Variants in NPSR1 observed in about 807,000 individuals in gnomAD.
NPSR1 encodes the protein neuropeptide S receptor.
NPSR1 carries 48 observed loss-of-function variants against 46.9 expected under a neutral mutation model. The observed-to-expected ratio is 1.02, with a 90% CI of 0.81 to 1.30. The LOEUF (loss-of-function observed/expected upper bound fraction) is 1.30, where lower values mean the gene tolerates loss of function less well. Among genes scored for constraint, NPSR1 ranks in the 50% most tolerant of loss-of-function variants. The probability of loss-of-function intolerance (pLI) is 0.00; values close to 1 mark genes in which losing one functional copy is unlikely to be tolerated. For synonymous variants in NPSR1, 176 were observed against 168.1 expected, an observed-to-expected ratio of 1.05 and a Z score of -0.36; for missense variants, 450 against 449.5, an observed-to-expected ratio of 1.00 and a Z score of -0.01.
At chr7:34,811,989 C>A in intron 4 of NPSR1, 126 bp downstream of exon 4, 2 of 642,040 alleles carry the variant, frequency 3.1e-6, no homozygotes, top group South Asian at 3.8e-5. Context: ...TTTCTTCTCT[C>A]TTCATTCTCC....
chr7:34,660,515 C>T, intron 1 of NPSR1, among the ~76,000 whole-genome samples: 1 of 148,810 alleles, frequency 6.7e-6, no homozygotes, highest in African/African-American at 2.6e-5. Context: ...ACCATGCTCC[C>T]TTTACTGTCT....
chr7:34,806,438 C>T (rs1202755131), intron 3 of NPSR1, among the ~76,000 whole-genome samples: 1 of 152,040 alleles, frequency 6.6e-6, no homozygotes, highest in Non-Finnish European at 1.5e-5. Context: ...CTAAATGATT[C>T]AACTATATTA....
At chr7:34,776,348 T>A (rs544216546) in intron 2 of NPSR1, among the ~76,000 whole-genome samples, 2 of 152,306 alleles carry the variant, frequency 1.3e-5, no homozygotes, top group South Asian at 4.1e-4. Flanking sequence ...TCTTTAGCTC[T>A]AACAATATTT....
chr7:34,876,240 A>G (rs188691284), intron 8 of NPSR1, among the ~76,000 whole-genome samples: 242 of 152,304 alleles, frequency 1.6e-3, no homozygotes, highest in East Asian at 7.9e-3. Context: ...CACATCATGG[A>G]GCAAGATGTC....
At chr7:34,844,123 T>C (rs1339668156) in intron 6 of NPSR1, among the ~76,000 whole-genome samples, 1 of 152,266 alleles carries the variant, frequency 6.6e-6, no homozygotes, top group East Asian at 1.9e-4. Flanking sequence ...CCCAAATTTA[T>C]AGGTAATCAC....
intron 2 of NPSR1, among the ~76,000 whole-genome samples, chr7:34,777,176 G>A (rs1397922336): frequency 6.6e-6 from 1 of 152,132 alleles, no homozygotes; most frequent in Non-Finnish European, 1.5e-5. Context: ...TTGTGGCCTA[G>A]ACTGACTTTC....
At chr7:34,738,642 T>G (rs925478055) in intron 2 of NPSR1, among the ~76,000 whole-genome samples, 2 of 152,198 alleles carry the variant, frequency 1.3e-5, no homozygotes, top group Non-Finnish European at 2.9e-5. Context: ...TATTTGGGGT[T>G]TTTATTTGTT....
intron 2 of NPSR1, among the ~76,000 whole-genome samples, chr7:34,714,974 A>G (rs1328317449): frequency 6.6e-6 from 1 of 152,234 alleles, no homozygotes; most frequent in Non-Finnish European, 1.5e-5. Context: ...CCAGGCTGGT[A>G]TACTTCACAG....
chr7:34,674,381 C>T (rs781364630), intron 1 of NPSR1, among the ~76,000 whole-genome samples: 15 of 152,158 alleles, frequency 9.9e-5, no homozygotes, highest in Non-Finnish European at 1.9e-4. Flanking sequence ...CTGTGTTACA[C>T]TGTGACTGAT....
chr7:34,675,952 G>A (rs889535748), intron 1 of NPSR1, among the ~76,000 whole-genome samples: 4 of 152,070 alleles, frequency 2.6e-5, no homozygotes, highest in Non-Finnish European at 4.4e-5. Context: ...CACCACTAGG[G>A]GGCATTTTAT....
intron 2 of NPSR1, among the ~76,000 whole-genome samples, chr7:34,714,993 T>C (rs1783491611): frequency 6.6e-6 from 1 of 152,224 alleles, no homozygotes; most frequent in Non-Finnish European, 1.5e-5. Flanking sequence ...AGTAATGATG[T>C]GTGCCCAGAT....
intron 6 of NPSR1, among the ~76,000 whole-genome samples, chr7:34,838,400 C>T (rs972736520): frequency 8.5e-5 from 13 of 152,256 alleles, no homozygotes; most frequent in East Asian, 1.9e-4. Context: ...GACCTCATCC[C>T]GAAATGAGGG....
intron 6 of NPSR1, among the ~76,000 whole-genome samples, chr7:34,843,671 G>A (rs545447811): frequency 1.1e-4 from 16 of 152,210 alleles, no homozygotes; most frequent in Non-Finnish European, 2.1e-4. Context: ...ATACTTGTGG[G>A]GTTGGACTAG....
rs1482618843 is a variant in NPSR1, at chr7:34,876,745, T to G, written c.1026-1331T>G. ...CGAGAAGGACCTAGGCTGATATCTC[T>G]TGAGTCATGACCTCTATGGGACCAC... On this transcript the variant is annotated intron_variant, in intron 8 of 8. Coordinates refer to the NPSR1 transcript ENST00000359791. Among the ~76,000 whole-genome samples the G allele has an allele frequency of 2.0e-5, 3 of 152,262 alleles. No individual in the cohort carries two copies. In the East Asian group the frequency reaches 5.8e-4, roughly 29 times the overall value.
At chr7:34,864,461 A>G (rs1012162063) in intron 8 of NPSR1, among the ~76,000 whole-genome samples, 11 of 151,768 alleles carry the variant, frequency 7.2e-5, no homozygotes, top group African/African-American at 2.7e-4. Flanking sequence ...CCTTCTCATC[A>G]TGAATTTTCT....
At chr7:34,688,321 G>T (rs1793043730) in intron 2 of NPSR1, among the ~76,000 whole-genome samples, 1 of 152,136 alleles carries the variant, frequency 6.6e-6, no homozygotes, top group Non-Finnish European at 1.5e-5. Context: ...TACAATAATT[G>T]ATGAAAAACG....
chr7:34,857,893 A>C (rs1216074728), intron 8 of NPSR1, among the ~76,000 whole-genome samples: 1 of 151,830 alleles, frequency 6.6e-6, no homozygotes, highest in Non-Finnish European at 1.5e-5. Flanking sequence ...AAAATGGGCA[A>C]GAATTAACTT....
At chr7:34,678,112 T>C (rs1333919655) in intron 1 of NPSR1, among the ~76,000 whole-genome samples, 3 of 150,850 alleles carry the variant, frequency 2.0e-5, no homozygotes, top group Non-Finnish European at 4.4e-5. Context: ...AGAATGAAAG[T>C]TCAACAGAGA....
chr7:34,667,323 G>A (rs2125403), intron 1 of NPSR1, among the ~76,000 whole-genome samples: 17,003 of 152,238 alleles, frequency 0.11, 1,025 homozygotes, highest in African/African-American at 0.15. Context: ...TCTCATGTGG[G>A]AGGAAGAGTT....
Sources: allele counts gnomAD v4.1 joint callset (sites outside exome capture counted in the v4.1 genomes callset), GRCh38; gene constraint gnomAD v4.1.1; transcripts MANE v1.5; gene names NCBI Gene and HGNC (gene_info 2026-07-23, HGNC 2026-07-21).